The following KCNJ12 variants were observed in gnomAD, a reference collection of about 807,000 sequenced individuals.
KCNJ12 encodes the protein ATP-sensitive inward rectifier potassium channel 12.
A neutral mutation model predicts 22.3 loss-of-function variants in KCNJ12; 2 were observed. The observed-to-expected ratio is 0.09, with a 90% CI of 0.04 to 0.28. KCNJ12 has a LOEUF of 0.28. Ranked by LOEUF, KCNJ12 falls within the 10% of genes least tolerant of loss-of-function variation. The probability of loss-of-function intolerance (pLI) is 1.00; values close to 1 mark genes in which losing one functional copy is unlikely to be tolerated. For missense variants in KCNJ12, 155 were observed against 633.3 expected, an observed-to-expected ratio of 0.24 and a Z score of 8.11; for synonymous variants, 117 against 261.4, an observed-to-expected ratio of 0.45 and a Z score of 5.33.
intron 1 of KCNJ12, among the ~76,000 whole-genome samples, chr17:21,379,977 G>C (rs1390663457): frequency 3.9e-5 from 6 of 152,176 alleles, no homozygotes; most frequent in African/African-American, 1.4e-4. Flanking sequence ...GAGGCCCAGG[G>C]AGGCACTGGA....
At chr17:21,378,830 T>C (rs1182377570) in intron 1 of KCNJ12, among the ~76,000 whole-genome samples, 1 of 151,768 alleles carries the variant, frequency 6.6e-6, no homozygotes, top group Non-Finnish European at 1.5e-5. Context: ...CTCTGGACAC[T>C]CCCCCTGCAG....
intron 2 of KCNJ12, among the ~76,000 whole-genome samples, chr17:21,413,547 TC>T (rs1906500342): frequency 6.9e-6 from 1 of 143,888 alleles, no homozygotes; most frequent in Non-Finnish European, 1.5e-5. Context: ...AGCTCCTCCG[TC>T]GGGGCTAATG....
chr17:21,404,075 G>T (rs1905790916), intron 1 of KCNJ12, among the ~76,000 whole-genome samples: 1 of 152,202 alleles, frequency 6.6e-6, no homozygotes, highest in East Asian at 1.9e-4. Context: ...TGGTGGCAAG[G>T]CTGTGCCCAT....
intron 1 of KCNJ12, among the ~76,000 whole-genome samples, chr17:21,406,130 C>T (rs1356582366): frequency 6.6e-6 from 1 of 152,300 alleles, no homozygotes; most frequent in African/African-American, 2.4e-5. Context: ...ATCCGACCTT[C>T]GCTGCTCAGA....
intron 1 of KCNJ12, among the ~76,000 whole-genome samples, chr17:21,408,265 T>C (rs1351503945): frequency 6.6e-6 from 1 of 152,280 alleles, no homozygotes; most frequent in African/African-American, 2.4e-5. Context: ...TGGCATGCAA[T>C]AGGCACTCAA....
At position 21,408,635 on chromosome 17, in the gene KCNJ12, C is replaced by G. The variant is rs1476580528; in HGVS notation, c.-62C>G. The G allele has an allele frequency of 1.3e-5, 2 of 152,542 alleles. No individual in the cohort carries two copies. Among genetic ancestry groups the G allele is most frequent in the Non-Finnish European group, 2.9e-5 (2 of 68,220 alleles). 9.4% of individuals were successfully genotyped at this position (152,542 alleles called of 1,614,324 possible). A position where few individuals can be genotyped will look rare whatever the true frequency, so the allele number is the denominator to read the frequency against. ...GCACCATTACATAGAAGATAGAACT[C>G]AAGAGGTAAGAGTGAAGTCATTGAC... On this transcript the variant is annotated 5_prime_UTR_variant, in exon 2 of 3. Transcript: ENST00000583088.
chr17:21,409,596 C>T (rs1315401928), intron 2 of KCNJ12, among the ~76,000 whole-genome samples: 1 of 152,308 alleles, frequency 6.6e-6, no homozygotes, highest in Non-Finnish European at 1.5e-5. Flanking sequence ...TGCTGGGGCC[C>T]AGCCACCTGC....
chr17:21,417,502 T>C lies in KCNJ12; in HGVS notation c.*858T>C, dbSNP rs1906917238. ...TTCCTCCCCGCACCCTCGATTTTCC[T>C]GTTTTGCTTCTCTCTCCATTTCTGT... is the stretch of plus-strand genomic sequence containing the variant. On this transcript the variant is annotated 3_prime_UTR_variant, in exon 3 of 3. Transcript: ENST00000583088. 1.2e-5 allele frequency: 2 copies of C among 167,228 alleles called. No individual in the cohort carries two copies. Among genetic ancestry groups the C allele is most frequent in the Non-Finnish European group, 2.9e-5 (2 of 68,200 alleles). 10.4% of individuals were successfully genotyped at this position (167,228 alleles called of 1,614,324 possible). A position where few individuals can be genotyped will look rare whatever the true frequency, so the allele number is the denominator to read the frequency against.
chr17:21,411,887 T>G (rs1906370916), intron 2 of KCNJ12, among the ~76,000 whole-genome samples: 1 of 152,312 alleles, frequency 6.6e-6, no homozygotes. Context: ...AGGAGTGTTC[T>G]TGAGACATTG....
intron 1 of KCNJ12, among the ~76,000 whole-genome samples, chr17:21,387,396 C>T (rs1297549127): frequency 7.0e-6 from 1 of 142,612 alleles, no homozygotes; most frequent in Admixed American, 7.2e-5. Context: ...GAGCCGAGAT[C>T]GCGCCATAGC....
At chr17:21,404,405 C>T (rs1479615466) in intron 1 of KCNJ12, among the ~76,000 whole-genome samples, 1 of 152,276 alleles carries the variant, frequency 6.6e-6, no homozygotes, top group Non-Finnish European at 1.5e-5. Flanking sequence ...GCCTGGGCTC[C>T]CGAGGGCCCA....
At chr17:21,398,256 C>G (rs184346785) in intron 1 of KCNJ12, among the ~76,000 whole-genome samples, 2 of 152,322 alleles carry the variant, frequency 1.3e-5, no homozygotes, top group East Asian at 3.9e-4. Flanking sequence ...TGGAGGCACA[C>G]GCAGGTGGAC....
chr17:21,382,246 C>T lies in KCNJ12; in HGVS notation c.-179+5333C>T, dbSNP rs183752246. Among the ~76,000 whole-genome samples the T allele has an allele frequency of 1.7e-3, 257 of 152,382 alleles. 1 individual carries two copies. Among genetic ancestry groups the T allele is most frequent in the African/African-American group, 5.8e-3 (241 of 41,594 alleles). On this transcript the variant is annotated intron_variant, in intron 1 of 2. Transcript: ENST00000583088. The stretch of plus-strand genomic sequence containing the variant: ...AGCTCAGGATGTCCCCATCTGATTC[C>T]TTCTGAGGATCACAAGCCGTTCCCA...
intron 1 of KCNJ12, among the ~76,000 whole-genome samples, chr17:21,402,299 A>AGAG (rs1905661592): frequency 5.3e-5 from 8 of 152,288 alleles, no homozygotes; most frequent in Non-Finnish European, 1.0e-4. Context: ...CCTCTGGAAT[A>AGAG]GTCTCCACCC....
chr17:21,412,236 G>A (rs1391721372), intron 2 of KCNJ12, among the ~76,000 whole-genome samples: 17 of 152,258 alleles, frequency 1.1e-4, no homozygotes, highest in Non-Finnish European at 2.1e-4. Flanking sequence ...AGAGAGGAAC[G>A]TCGACAGAAG....
At chr17:21,386,661 C>G (rs1368662987) in intron 1 of KCNJ12, among the ~76,000 whole-genome samples, 5 of 152,108 alleles carry the variant, frequency 3.3e-5, no homozygotes, top group Admixed American at 2.0e-4. Flanking sequence ...GCATGCGCCA[C>G]CACGCCCAGC....
chr17:21,406,363 C>T (rs1905938590), intron 1 of KCNJ12, among the ~76,000 whole-genome samples: 2 of 152,310 alleles, frequency 1.3e-5, no homozygotes, highest in Non-Finnish European at 2.9e-5. Flanking sequence ...GTGATGTTGG[C>T]TTGTGACAGA....
Position 21,416,350 on chromosome 17 carries a change from C to G in KCNJ12, c.1008C>G (p.Asn336Lys), listed in dbSNP as rs1265102719. 6.2e-7 allele frequency: 1 copy of G among 1,613,492 alleles called. No homozygotes were observed. The highest frequency in any genetic ancestry group is 8.5e-7 in the Non-Finnish European group (1 of 1,179,848). Residue 336 changes from asparagine to lysine, a missense_variant, in exon 3 of 3, where the codon AAC (asparagine) becomes AAG (lysine). Physicochemically the swap from Asn to Lys is moderately conservative, Grantham distance 94 (BLOSUM62 0). Transcript: ENST00000583088. ...RFEPVLFEEK[N>K]QYKIDYSHFH... is the part of the protein sequence containing the mutation. ...AGCCCGTGCTCTTCGAGGAGAAGAACCAGTACAAGATTGACTACTCGCACT... is the reference window on the plus strand; with the variant it reads ...AGCCCGTGCTCTTCGAGGAGAAGAAGCAGTACAAGATTGACTACTCGCACT...
chr17:21,384,072 G>T (rs1420709895), intron 1 of KCNJ12, among the ~76,000 whole-genome samples: 1 of 152,178 alleles, frequency 6.6e-6, no homozygotes, highest in Non-Finnish European at 1.5e-5. Context: ...GGGTTTCTCA[G>T]TGCTTATGCA....
Sources: allele counts gnomAD v4.1 joint callset (sites outside exome capture counted in the v4.1 genomes callset), GRCh38; gene constraint gnomAD v4.1.1; transcripts MANE v1.5; gene names NCBI Gene and HGNC (gene_info 2026-07-23, HGNC 2026-07-21).